The following TSHZ3 variants were observed in gnomAD, a reference collection of about 807,000 sequenced individuals.
TSHZ3 encodes teashirt zinc finger homeobox 3.
TSHZ3 carries 10 observed loss-of-function variants against 64.5 expected under a neutral mutation model. The observed-to-expected ratio is 0.16, with a 90% CI of 0.10 to 0.26. TSHZ3 has a LOEUF of 0.26. Among genes scored for constraint, TSHZ3 ranks in the 10% least tolerant of loss-of-function variants. The pLI is 1.00. For synonymous variants in TSHZ3, 608 were observed against 593.1 expected (o/e 1.03, Z -0.36); for missense variants, 1,242 against 1,421.7 (o/e 0.87, Z 2.03).
chr19:31,172,822 A>G (rs1974554493), intron 5 of TSHZ3, among the ~76,000 whole-genome samples: 1 of 152,232 alleles, frequency 6.6e-6, no homozygotes, highest in Non-Finnish European at 1.5e-5. Context: ...GGAGCCATGG[A>G]AATCTAGAAG....
intron 5 of TSHZ3, among the ~76,000 whole-genome samples, chr19:31,182,525 G>A (rs1028583883): frequency 3.9e-5 from 6 of 152,116 alleles, no homozygotes; most frequent in Non-Finnish European, 5.9e-5. Context: ...TCTGAGGACC[G>A]ACCCTAAACT....
At chr19:31,297,976 G>A (rs957970560) in intron 1 of TSHZ3, among the ~76,000 whole-genome samples, 1 of 152,186 alleles carries the variant, frequency 6.6e-6, no homozygotes, top group Admixed American at 6.5e-5. Flanking sequence ...TACTGGATCA[G>A]CAGACATTTC....
chr19:31,195,202 T>C (rs1358901345), intron 5 of TSHZ3, among the ~76,000 whole-genome samples: 1 of 116,616 alleles, frequency 8.6e-6, no homozygotes, highest in Non-Finnish European at 1.8e-5. Flanking sequence ...CAAAATTTCC[T>C]CTCAAATTAA....
intron 1 of TSHZ3, among the ~76,000 whole-genome samples, chr19:31,247,305 C>CT (rs1975768915): frequency 6.6e-6 from 1 of 152,206 alleles, no homozygotes; most frequent in Non-Finnish European, 1.5e-5. Context: ...GGCAACACCA[C>CT]TGTCACCAAG....
chr19:31,301,917 G>A (rs902098063), intron 1 of TSHZ3, among the ~76,000 whole-genome samples: 3 of 152,102 alleles, frequency 2.0e-5, no homozygotes, highest in Non-Finnish European at 4.4e-5. Flanking sequence ...CACGTCTGAT[G>A]AAGTGGAAAA....
intron 5 of TSHZ3, among the ~76,000 whole-genome samples, chr19:31,194,487 G>C (rs1009880082): frequency 6.6e-6 from 1 of 152,148 alleles, no homozygotes. Flanking sequence ...TCCCATCTAA[G>C]TGGCAGTGGG....
At chr19:31,160,008 T>G (rs1013667279) in intron 5 of TSHZ3, among the ~76,000 whole-genome samples, 6 of 152,182 alleles carry the variant, frequency 3.9e-5, no homozygotes, top group African/African-American at 1.4e-4. Context: ...CTCTTGAAGA[T>G]AGCAAAAACA....
intron 1 of TSHZ3, among the ~76,000 whole-genome samples, chr19:31,268,034 T>C (rs778101900): frequency 4.1e-4 from 62 of 152,098 alleles, no homozygotes; most frequent in Admixed American, 1.0e-3. Context: ...AATTGAATCA[T>C]GGGGGTGGGT....
intron 1 of TSHZ3, among the ~76,000 whole-genome samples, chr19:31,256,678 G>A (rs1209780012): frequency 6.6e-6 from 1 of 152,158 alleles, no homozygotes; most frequent in African/African-American, 2.4e-5. Context: ...TGCAATATGG[G>A]AACAGCCCTC....
intron 4 of TSHZ3, among the ~76,000 whole-genome samples, chr19:31,223,107 C>T (rs1975411861): frequency 6.6e-6 from 1 of 152,138 alleles, no homozygotes; most frequent in South Asian, 2.1e-4. Flanking sequence ...CTGATGGAAG[C>T]CCTGTTTCTC....
chr19:31,253,931 T>C (rs982420788), intron 1 of TSHZ3, among the ~76,000 whole-genome samples: 34 of 152,120 alleles, frequency 2.2e-4, no homozygotes, highest in African/African-American at 8.2e-4. Context: ...ATTAAGGAAA[T>C]TTCACATCCA....
rs1430405457 is a variant in TSHZ3 at position 31,282,837 on chromosome 19, GGA to G, written c.41-3087_41-3086del. ...CTGGTGCCAAGCAGAACTGGGTCCT[GGA>G]GAGACCTGGCCTCACCGCACACCCC... On this transcript the variant is annotated intron_variant, in intron 1 of 1. Coordinates refer to ENST00000240587, the MANE Select transcript of TSHZ3 (RefSeq NM_020856.4). Among the ~76,000 whole-genome samples the G allele has an allele frequency of 3.9e-5, 6 of 152,296 alleles. No homozygotes were observed. In the South Asian group the frequency reaches 8.3e-4, roughly 21 times the overall value.
rs548762649 is a variant in TSHZ3, at chr19:31,193,083, T to A, written n.809+11873A>T. 7.2e-5 allele frequency among the ~76,000 whole-genome samples: 11 copies of A among 152,288 alleles called. No homozygotes were observed. The South Asian group carries it at 2.3e-3, about 32-fold the overall frequency. On this transcript the variant is annotated intron_variant and non_coding_transcript_variant, in intron 5 of 6. Coordinates refer to the TSHZ3 transcript ENST00000651361. The stretch of plus-strand genomic sequence containing the variant: ...GCCTGTGTGGCACAGGGAGGCCTCA[T>A]GTTGCTGATGAAAGGGAGACGTGTG...
At chr19:31,332,271 GGCTCCCACTCGCTCTGCC>G (rs1237922592) in intron 1 of TSHZ3, among the ~76,000 whole-genome samples, 1 of 152,054 alleles carries the variant, frequency 6.6e-6, no homozygotes, top group Non-Finnish European at 1.5e-5. Context: ...CCCAGAATGC[GGCTCCCACTCGCTCTGCC>G]ACGATTCCAG....
At chr19:31,240,713 C>G (rs1975676676) in intron 3 of TSHZ3, among the ~76,000 whole-genome samples, 1 of 151,792 alleles carries the variant, frequency 6.6e-6, no homozygotes, top group African/African-American at 2.4e-5. Flanking sequence ...TTTTTTAATT[C>G]TTTTTTTCCG....
At chr19:31,184,881 G>C (rs993877423) in intron 5 of TSHZ3, among the ~76,000 whole-genome samples, 1 of 152,188 alleles carries the variant, frequency 6.6e-6, no homozygotes, top group Non-Finnish European at 1.5e-5. Flanking sequence ...TAAGCAAAAG[G>C]TCAGCAGAGC....
At chr19:31,242,313 C>G (rs992933840) in exon 3 of TSHZ3, among the ~76,000 whole-genome samples, 1 of 152,192 alleles carries the variant, frequency 6.6e-6, no homozygotes, top group African/African-American at 2.4e-5. Flanking sequence ...CATATGCAAG[C>G]TGGAGACCCA....
chr19:31,151,600 A>T (rs1218814785), exon 7 of TSHZ3, among the ~76,000 whole-genome samples: 1 of 152,236 alleles, frequency 6.6e-6, no homozygotes, highest in African/African-American at 2.4e-5. Context: ...ACAAAGGCTC[A>T]AGTCTGGATC....
chr19:31,324,091 C>T (rs1185182038), intron 1 of TSHZ3, among the ~76,000 whole-genome samples: 1 of 152,178 alleles, frequency 6.6e-6, no homozygotes, highest in East Asian at 1.9e-4. Flanking sequence ...TCCGCCCCTA[C>T]ATCAACTTGC....
Sources: allele counts gnomAD v4.1 joint callset (sites outside exome capture counted in the v4.1 genomes callset), GRCh38; gene constraint gnomAD v4.1.1; transcripts MANE v1.5; gene names NCBI Gene and HGNC (gene_info 2026-07-23, HGNC 2026-07-21).